IARS1: variants seen among roughly 807,000 people sequenced by gnomAD.
IARS1 encodes the protein isoleucine--tRNA ligase, cytoplasmic.
In IARS1, 124 loss-of-function variants were observed where a neutral mutation model predicts 168.2. The ratio of observed to expected loss-of-function variants is 0.74; its 90% CI spans 0.64 to 0.86. The LOEUF (loss-of-function observed/expected upper bound fraction) is 0.86, where lower values mean the gene tolerates loss of function less well. Among genes scored for constraint, IARS1 ranks in the 40% least tolerant of loss-of-function variants. IARS1 has a pLI of 0.00. For missense variants in IARS1, 1,452 were observed against 1,515.8 expected (o/e 0.96, Z 0.70); for synonymous variants, 532 against 529.4 (o/e 1.00, Z -0.07).
Position 92,280,854 on chromosome 9 carries a change from C to T in IARS1, c.637G>A (p.Glu213Lys). 1.2e-6 allele frequency: 2 copies of T among 1,611,204 alleles called. No individual in the cohort carries two copies. The highest frequency in any genetic ancestry group is 1.7e-6 in the Non-Finnish European group (2 of 1,177,704). ...DPSVFVTFPL[E>K]EDETVSLVAW... is the part of the protein sequence containing the mutation. ...ACTAAAGATACAGTTTCATCTTCTT[C>T]CAAAGGGAAAGTTACAAATACTGAA... Residue 213 changes from glutamate to lysine, a missense_variant, in exon 7 of 34, where the codon GAA becomes AAA. Transcript: ENST00000443024.
intron 30 of IARS1, among the ~76,000 whole-genome samples, chr9:92,233,950 G>A (rs1028196935): frequency 1.2e-4 from 18 of 152,052 alleles, no homozygotes; most frequent in African/African-American, 3.9e-4. Flanking sequence ...TTGTAGAGAC[G>A]GGGTCTCACT....
chr9:92,292,692 C>G (rs368792951), intron 1 of IARS1: 1 of 153,468 alleles, frequency 6.5e-6, no homozygotes, highest in African/African-American at 2.4e-5. Flanking sequence ...CTTGACTCTT[C>G]GCTGCTCCAC....
At position 92,245,768 on chromosome 9, in the gene IARS1, A is replaced by ATT. The variant is rs572872450; in HGVS notation, c.2792-699_2792-698dup. 3.7e-4 allele frequency among the ~76,000 whole-genome samples: 53 copies of ATT among 143,394 alleles called. 1 individual carries two copies. The highest frequency in any genetic ancestry group is 8.9e-4 in the South Asian group (4 of 4,508). The allele number at this position is 143,394 out of a possible 152,430, so 94.1% of individuals were successfully genotyped here. ...ATTTCAAATAAGGTTTAGCCCAGGA[A>ATT]TTTTTTTTTTTTTTTTGAGACAGAG... On this transcript the variant is annotated intron_variant, in intron 26 of 33. Transcript: ENST00000443024.
intron 23 of IARS1, 140 bp downstream of exon 23, chr9:92,250,573 G>C: frequency 3.2e-6 from 3 of 940,224 alleles, no homozygotes; most frequent in South Asian, 1.8e-5. Flanking sequence ...CCATCCTGCA[G>C]CCTGAGGAGT....
chr9:92,229,169 C>T, intron 30 of IARS1, 43 bp from the exon 31 acceptor site: 1 of 1,592,120 alleles, frequency 6.3e-7, no homozygotes, highest in Non-Finnish European at 8.5e-7. Flanking sequence ...ACAAATAAAA[C>T]TAAAAAGAAA....
chr9:92,265,179 G>T, intron 15 of IARS1, 56 bp from the exon 16 acceptor site: 1 of 1,435,484 alleles, frequency 7.0e-7, no homozygotes, highest in Non-Finnish European at 9.5e-7. Context: ...AGAACTTGCA[G>T]TTTAATTGCT....
Position 92,210,523 on chromosome 9 carries a change from G to T in IARS1, c.*284C>A. 3.5e-6 allele frequency: 1 copy of T among 281,894 alleles called. No individual in the cohort carries two copies. The highest frequency in any genetic ancestry group is 6.3e-5 in the East Asian group (1 of 15,784). 17.5% of individuals were successfully genotyped at this position (281,894 alleles called of 1,614,324 possible). On this transcript the variant is annotated 3_prime_UTR_variant, in exon 34 of 34. Coordinates refer to ENST00000443024, the MANE Select transcript of IARS1 (RefSeq NM_002161.6). ...GCCATTTAAATCACTTCTATCTTCTGTACTTAAGAACTCAAGTATAGAAAT... is the reference window on the plus strand; with the variant it reads ...GCCATTTAAATCACTTCTATCTTCTTTACTTAAGAACTCAAGTATAGAAAT...
intron 4 of IARS1, among the ~76,000 whole-genome samples, chr9:92,286,901 T>C (rs1835550555): frequency 6.6e-6 from 1 of 152,160 alleles, no homozygotes; most frequent in Non-Finnish European, 1.5e-5. Flanking sequence ...TAATTATTAC[T>C]GGCAAAAACC....
At chr9:92,292,935 A>C (rs1217227130) in intron 1 of IARS1, among the ~76,000 whole-genome samples, 2 of 152,224 alleles carry the variant, frequency 1.3e-5, no homozygotes, top group African/African-American at 4.8e-5. Flanking sequence ...CTTAGGCATG[A>C]CATTTTTGAG....
chr9:92,275,202 T>C (rs1353648341), intron 9 of IARS1, among the ~76,000 whole-genome samples: 1 of 152,264 alleles, frequency 6.6e-6, no homozygotes, highest in Non-Finnish European at 1.5e-5. Flanking sequence ...TAAAAAGTAC[T>C]TTCACAAGTG....
chr9:92,252,677 C>G (rs564904150), intron 21 of IARS1, among the ~76,000 whole-genome samples: 177 of 135,324 alleles, frequency 1.3e-3, no homozygotes, highest in African/African-American at 4.6e-3. Context: ...TGAGGGAGAA[C>G]TGCTTGAACC....
chr9:92,292,277 G>A (rs922844292), intron 1 of IARS1, among the ~76,000 whole-genome samples: 1 of 150,942 alleles, frequency 6.6e-6, no homozygotes, highest in African/African-American at 2.4e-5. Flanking sequence ...AGGCTAAAGC[G>A]ATCCTCTTGC....
At chr9:92,212,243 T>C (rs1837879824) in intron 33 of IARS1, among the ~76,000 whole-genome samples, 3 of 152,192 alleles carry the variant, frequency 2.0e-5, no homozygotes, top group Admixed American at 2.0e-4. Flanking sequence ...TCTTCTAATT[T>C]ACCAAGTTAT....
chr9:92,235,197 C>T (rs1827302371), intron 30 of IARS1, among the ~76,000 whole-genome samples: 1 of 152,106 alleles, frequency 6.6e-6, no homozygotes, highest in South Asian at 2.1e-4. Context: ...TTATTCCTTT[C>T]TTTATCTGCA....
At chr9:92,265,415 G>T in intron 15 of IARS1, 65 bp downstream of exon 15, 3 of 1,394,178 alleles carry the variant, frequency 2.2e-6, no homozygotes, top group Non-Finnish European at 3.1e-6. Flanking sequence ...TCTGTAATCT[G>T]CTAGAGACCA....
At chr9:92,283,296 T>C in intron 6 of IARS1, among the ~76,000 whole-genome samples, 1 of 152,186 alleles carries the variant, frequency 6.6e-6, no homozygotes, top group East Asian at 1.9e-4. Flanking sequence ...AAATATTTAA[T>C]TTGCAGAGGA....
At chr9:92,280,069 T>G (rs1378925705) in intron 7 of IARS1, among the ~76,000 whole-genome samples, 1 of 152,236 alleles carries the variant, frequency 6.6e-6, no homozygotes, top group East Asian at 1.9e-4. Context: ...TGCTTCTATC[T>G]TTTGACTACT....
intron 1 of IARS1, among the ~76,000 whole-genome samples, chr9:92,291,680 G>A (rs1041590080): frequency 4.6e-5 from 7 of 152,132 alleles, no homozygotes; most frequent in Non-Finnish European, 8.8e-5. Flanking sequence ...ATTTATTTAG[G>A]TTCATTGTGT....
At chr9:92,221,272 A>G (rs1349541636) in intron 33 of IARS1, among the ~76,000 whole-genome samples, 1 of 151,828 alleles carries the variant, frequency 6.6e-6, no homozygotes, top group Non-Finnish European at 1.5e-5. Flanking sequence ...TCAGAAGGAG[A>G]GAATACCAGA....
Sources: allele counts gnomAD v4.1 joint callset (sites outside exome capture counted in the v4.1 genomes callset), GRCh38; gene constraint gnomAD v4.1.1; transcripts MANE v1.5; gene names NCBI Gene and HGNC (gene_info 2026-07-23, HGNC 2026-07-21).